The following ADD1 variants were observed in gnomAD, a reference collection of about 807,000 sequenced individuals.
The protein encoded by ADD1 is alpha-adducin.
In ADD1, 24 loss-of-function variants were observed where a neutral mutation model predicts 80.5. The ratio of observed to expected loss-of-function variants is 0.30; its 90% CI spans 0.22 to 0.42. The LOEUF (loss-of-function observed/expected upper bound fraction) is 0.42. Ranked by LOEUF, ADD1 falls within the 10% of genes least tolerant of loss-of-function variation. ADD1 has a pLI of 1.00. For synonymous variants in ADD1, 373 were observed against 393.8 expected (o/e 0.95, Z 0.63); for missense variants, 948 against 1,019.0 (o/e 0.93, Z 0.95).
rs1203898316 is a variant in ADD1, at chr4:2,905,068, C to T, written c.1466C>T (p.Ser489Leu). ...DHVKPLLQSL[S>L]SGVCVPSCIT... ...GTGAAACCCTTGCTGCAGTCTCTCTCGTCCGGTGTCTGCGTGCCAAGCTGT... is the reference window on the plus strand; with the variant it reads ...GTGAAACCCTTGCTGCAGTCTCTCTTGTCCGGTGTCTGCGTGCCAAGCTGT... The change falls in exon 10 of 16, where the codon TCG (serine) becomes TTG (leucine). Residue 489 changes from serine to leucine, a missense_variant. By Grantham distance (145) the Ser-to-Leu change is moderately radical. Coordinates refer to ENST00000683351, the MANE Select transcript of ADD1 (RefSeq NM_001354761.2). The T allele has an allele frequency of 2.5e-6, 4 of 1,614,244 alleles. No homozygotes were observed. Among genetic ancestry groups the T allele is most frequent in the South Asian group, 1.1e-5 (1 of 91,086 alleles).
At chr4:2,911,448 A>ATTTTTTTTTTT (rs33935514) in intron 13 of ADD1, among the ~76,000 whole-genome samples, 3 of 130,516 alleles carry the variant, frequency 2.3e-5, no homozygotes, top group African/African-American at 8.9e-5. Flanking sequence ...ATATATATAT[A>ATTTTTTTTTTT]TTTTTTTTTT....
rs78477256 is a variant in ADD1 at position 2,861,675 on chromosome 4, C to T, written c.-20-14221C>T. Among the ~76,000 whole-genome samples the T allele has an allele frequency of 8.7e-3, 1,326 of 152,272 alleles. 13 individuals are homozygous for T. The highest frequency in any genetic ancestry group is 0.013 in the Non-Finnish European group (877 of 68,020). Reference sequence around the variant, plus strand: ...ACCTTTAAAAATGCTCATGCCCAAGCTCCATTCCTAGAGATTCAGATTCTG... The same window carrying T: ...ACCTTTAAAAATGCTCATGCCCAAGTTCCATTCCTAGAGATTCAGATTCTG... On this transcript the variant is annotated intron_variant, in intron 1 of 15. Coordinates refer to ENST00000683351, the MANE Select transcript of ADD1 (RefSeq NM_001354761.2).
intron 6 of ADD1, 74 bp from the exon 7 acceptor site, chr4:2,898,109 GA>G: frequency 6.8e-7 from 1 of 1,476,486 alleles, no homozygotes; most frequent in Admixed American, 2.2e-5. Context: ...TTTCTGTGAG[GA>G]AAGCATTTAC....
chr4:2,848,573 A>G (rs184314272), intron 1 of ADD1, among the ~76,000 whole-genome samples: 8 of 152,046 alleles, frequency 5.3e-5, no homozygotes, highest in Admixed American at 1.3e-4. Flanking sequence ...GGCTTAAGCC[A>G]TTCTCCCACC....
intron 5 of ADD1, 32 bp from the exon 6 acceptor site, chr4:2,894,546 TCTTG>T: frequency 6.7e-7 from 1 of 1,497,666 alleles, no homozygotes; most frequent in Non-Finnish European, 9.1e-7. Context: ...AATGAAGTCC[TCTTG>T]GTATTTTACA....
At chr4:2,877,813 C>T (rs1230398487) in intron 2 of ADD1, among the ~76,000 whole-genome samples, 1 of 152,052 alleles carries the variant, frequency 6.6e-6, no homozygotes, top group Non-Finnish European at 1.5e-5. Flanking sequence ...GCATCTCTAC[C>T]AAAAATATAA....
intron 1 of ADD1, among the ~76,000 whole-genome samples, chr4:2,848,088 G>C (rs929770881): frequency 1.3e-5 from 2 of 152,092 alleles, no homozygotes; most frequent in Non-Finnish European, 2.9e-5. Flanking sequence ...GGTGGTGGAT[G>C]CCTGTAATCC....
At chr4:2,888,400 A>AATTATTATTATTATTATT (rs34400467) in intron 4 of ADD1, among the ~76,000 whole-genome samples, 2 of 139,958 alleles carry the variant, frequency 1.4e-5, no homozygotes, top group East Asian at 4.2e-4. Context: ...GTAATAATGA[A>AATTATTATTATTATTATT]ATTATTATTA....
Position 2,898,221 on chromosome 4 carries a change from C to A in ADD1, c.779C>A (p.Pro260Gln), listed in dbSNP as rs1344117422. Residue 260 changes from proline to glutamine, a missense_variant, in exon 7 of 16, where the codon CCG (proline) becomes CAG (glutamine). By Grantham distance (76) the Pro-to-Gln change is moderately conservative (BLOSUM62 -1). Coordinates refer to ENST00000683351, the MANE Select transcript of ADD1 (RefSeq NM_001354761.2). ...AMKCGLLPIS[P>Q]EALSLGEVAY... ...AAATGTGGCCTCTTGCCAATCTCCC[C>A]GGAGGCGCTTTCCCTTGGAGAAGTG... 5 of 1,613,894 alleles carry A rather than the reference C, an allele frequency of 3.1e-6. No individual in the cohort carries two copies. The highest frequency in any genetic ancestry group is 4.2e-6 in the Non-Finnish European group (5 of 1,179,954).
chr4:2,912,670 G>T (rs1190103741), intron 13 of ADD1, among the ~76,000 whole-genome samples: 1 of 152,148 alleles, frequency 6.6e-6, no homozygotes, highest in African/African-American at 2.4e-5. Flanking sequence ...GGGACTACAG[G>T]TGCATGCCAC....
At position 2,885,679 on chromosome 4, in the gene ADD1, G is replaced by A. The variant is rs555462285; in HGVS notation, c.510+1013G>A. 3.3e-5 allele frequency among the ~76,000 whole-genome samples: 5 copies of A among 151,258 alleles called. No homozygotes were observed. The East Asian group carries it at 7.8e-4, about 24-fold the overall frequency. On this transcript the variant is annotated intron_variant, in intron 4 of 15. Coordinates refer to ENST00000683351, the MANE Select transcript of ADD1 (RefSeq NM_001354761.2). ...GGCTGGAGTGCAGTGGTGCAATCTC[G>A]GCTCACTGCAAGCTCCGCCTCCCGG...
At chr4:2,883,011 A>G (rs1005992774) in intron 3 of ADD1, among the ~76,000 whole-genome samples, 3 of 152,108 alleles carry the variant, frequency 2.0e-5, no homozygotes, top group African/African-American at 7.2e-5. Context: ...ACAGGCACAC[A>G]CCACCACACC....
intron 6 of ADD1, 93 bp from the exon 7 acceptor site, chr4:2,898,091 C>T: frequency 7.0e-7 from 1 of 1,422,168 alleles, no homozygotes; most frequent in Non-Finnish European, 9.5e-7. Flanking sequence ...ATTTCCCTTC[C>T]CATTTTATTT....
At chr4:2,850,703 G>T (rs1409884900) in intron 1 of ADD1, among the ~76,000 whole-genome samples, 1 of 152,122 alleles carries the variant, frequency 6.6e-6, no homozygotes, top group African/African-American at 2.4e-5. Context: ...GGGATTACAG[G>T]CGTGAGCCAC....
At chr4:2,863,385 A>G (rs1729092720) in intron 1 of ADD1, among the ~76,000 whole-genome samples, 1 of 152,034 alleles carries the variant, frequency 6.6e-6, no homozygotes, top group Non-Finnish European at 1.5e-5. Context: ...GACTTCAGAA[A>G]TTATTTGAAT....
At chr4:2,896,400 G>A (rs1269812271) in intron 6 of ADD1, among the ~76,000 whole-genome samples, 2 of 151,648 alleles carry the variant, frequency 1.3e-5, no homozygotes, top group African/African-American at 2.4e-5. Context: ...GTCAAGATGG[G>A]GTTTCATCAT....
chr4:2,868,332 T>C (rs1020285521), intron 1 of ADD1, among the ~76,000 whole-genome samples: 4 of 152,140 alleles, frequency 2.6e-5, no homozygotes, highest in African/African-American at 9.7e-5. Flanking sequence ...GTGTTTGTAA[T>C]GAATTTCTGG....
chr4:2,915,162 C>T (rs1404961604), intron 14 of ADD1, 122 bp downstream of exon 14: 7 of 1,130,698 alleles, frequency 6.2e-6, no homozygotes, highest in Non-Finnish European at 6.2e-6. Context: ...CAAAGACAAA[C>T]CAGAACTTTA....
chr4:2,852,228 T>TTCCTTTCTC (rs1727317426), intron 1 of ADD1, among the ~76,000 whole-genome samples: 2 of 126,840 alleles, frequency 1.6e-5, no homozygotes, highest in East Asian at 3.9e-4. Context: ...TTTCCTTTCT[T>TTCCTTTCTC]TCCTTTCTTT....
Sources: allele counts gnomAD v4.1 joint callset (sites outside exome capture counted in the v4.1 genomes callset), GRCh38; gene constraint gnomAD v4.1.1; transcripts MANE v1.5; gene names NCBI Gene and HGNC (gene_info 2026-07-23, HGNC 2026-07-21).